FGL1: variants seen among roughly 807,000 people sequenced by gnomAD.
The protein encoded by FGL1 is fibrinogen-like protein 1.
FGL1 carries 59 observed loss-of-function variants against 43.7 expected under a neutral mutation model. The observed-to-expected ratio is 1.35, with a 90% CI of 1.10 to 1.68. FGL1 has a LOEUF of 1.68. Ranked by LOEUF, FGL1 falls within the 40% of genes most tolerant of loss-of-function variation. FGL1 has a pLI of 0.00. For missense variants in FGL1, 596 were observed against 373.0 expected, an observed-to-expected ratio of 1.60 and a Z score of -4.92; for synonymous variants, 192 against 126.5, an observed-to-expected ratio of 1.52 and a Z score of -3.48.
At chr8:17,889,935 C>T (rs1388510456) in intron 1 of FGL1, among the ~76,000 whole-genome samples, 1 of 152,184 alleles carries the variant, frequency 6.6e-6, no homozygotes, top group East Asian at 1.9e-4. Context: ...ATACTGTTTG[C>T]AGCTTACTTG....
chr8:17,894,060 A>T (rs1044507975), intron 1 of FGL1, among the ~76,000 whole-genome samples: 2 of 146,742 alleles, frequency 1.4e-5, no homozygotes, highest in East Asian at 3.9e-4. Context: ...TTTAAAAAAA[A>T]TTTAATTAAT....
intron 3 of FGL1, among the ~76,000 whole-genome samples, chr8:17,878,876 G>T (rs1585138551): frequency 1.3e-5 from 2 of 151,098 alleles, no homozygotes; most frequent in East Asian, 3.9e-4. Flanking sequence ...AGGTGAACAA[G>T]TTCTTATATA....
At position 17,874,505 on chromosome 8, in the gene FGL1, G is replaced by GA. The variant is rs1343682646; in HGVS notation, c.260dup (p.Asn88GlnfsTer2). The GA allele has an allele frequency of 3.1e-6, 5 of 1,606,176 alleles. No homozygotes were observed. Among genetic ancestry groups the GA allele is most frequent in the Non-Finnish European group, 4.2e-6 (5 of 1,176,586 alleles). ...ATCCACTGAGCTTATACCCATCATT[G>GA]AAAATCTCTGAACAATCTGTTTTTA... On this transcript the variant is annotated frameshift_variant, in exon 4 of 8. Coordinates refer to ENST00000427924, the MANE Select transcript of FGL1 (RefSeq NM_004467.4). LOFTEE classifies it high-confidence loss of function.
chr8:17,886,563 GC>G (rs2053631097), intron 1 of FGL1, among the ~76,000 whole-genome samples: 1 of 152,096 alleles, frequency 6.6e-6, no homozygotes, highest in South Asian at 2.1e-4. Flanking sequence ...CTCGAGACCA[GC>G]CTGGTCAACA....
rs2053752171 is a variant in FGL1, at chr8:17,894,804, TG to T, written c.-18+642del. 1.4e-5 allele frequency among the ~76,000 whole-genome samples: 2 copies of T among 146,674 alleles called. 1 individual carries two copies. Among genetic ancestry groups the T allele is most frequent in the African/African-American group, 5.4e-5 (2 of 37,234 alleles). On this transcript the variant is annotated intron_variant, in intron 1 of 7. Transcript: ENST00000427924. ...ATGGAAGTATGTTTTGAAAATGCTCTGGGTGATGCACCTATATATCATATAA... is the reference window on the plus strand; with the variant it reads ...ATGGAAGTATGTTTTGAAAATGCTCTGGTGATGCACCTATATATCATATAA...
In FGL1 at chr8:17,874,330, A is replaced by T. The variant is rs370532467; in HGVS notation, c.404+32T>A. 4 of 1,590,530 alleles carry T rather than the reference A, an allele frequency of 2.5e-6. No homozygotes were observed. In the African/African-American group the frequency reaches 5.4e-5, roughly 22 times the overall value. On this transcript the variant is annotated intron_variant, in intron 4 of 7. Coordinates refer to ENST00000427924, the MANE Select transcript of FGL1 (RefSeq NM_004467.4). ...ACTTATAAATCTCACATTTGCTGCT[A>T]CATATAAAGTCTTACATCATAATTA...
At chr8:17,885,670 C>G in intron 1 of FGL1, 99 bp from the exon 2 acceptor site, 1 of 892,650 alleles carries the variant, frequency 1.1e-6, no homozygotes, top group South Asian at 1.6e-5. Flanking sequence ...GATGCAGCCG[C>G]AGGCCATCCC....
intron 3 of FGL1, among the ~76,000 whole-genome samples, chr8:17,878,420 C>T (rs2053488651): frequency 6.6e-6 from 1 of 152,172 alleles, no homozygotes; most frequent in Admixed American, 6.5e-5. Context: ...ACTCCAGAGT[C>T]AACACCTTAG....
intron 3 of FGL1, among the ~76,000 whole-genome samples, chr8:17,875,551 T>TTCTTTCTTTCTCTCTCTCTCTC (rs2053440563): frequency 6.0e-5 from 1 of 16,720 alleles, no homozygotes; most frequent in African/African-American, 1.6e-4. Context: ...CTTTCTTTCT[T>TTCTTTCTTTCTCTCTCTCTCTC]TCTTTCTTTC....
intron 2 of FGL1, among the ~76,000 whole-genome samples, chr8:17,883,819 C>T (rs2053587339): frequency 7.1e-6 from 1 of 141,686 alleles, no homozygotes; most frequent in South Asian, 2.2e-4. Context: ...TTCCCTTCCT[C>T]TTCCCTTACG....
At chr8:17,889,058 C>T (rs1449287134) in intron 1 of FGL1, among the ~76,000 whole-genome samples, 1 of 152,108 alleles carries the variant, frequency 6.6e-6, no homozygotes, top group Non-Finnish European at 1.5e-5. Flanking sequence ...AAGCAGCCTG[C>T]GTGGCCTGGG....
chr8:17,883,783 T>TCCTTCTCTC, intron 2 of FGL1, among the ~76,000 whole-genome samples: 1 of 144,608 alleles, frequency 6.9e-6, no homozygotes, highest in African/African-American at 2.6e-5. Flanking sequence ...CTAGGATGGT[T>TCCTTCTCTC]TCTCCCTTTT....
chr8:17,870,018 G>C (rs973658453), intron 5 of FGL1, among the ~76,000 whole-genome samples: 1 of 152,130 alleles, frequency 6.6e-6, no homozygotes, highest in African/African-American at 2.4e-5. Context: ...GCTGAGGCAG[G>C]AGAATGGCGT....
intron 5 of FGL1, among the ~76,000 whole-genome samples, chr8:17,872,544 C>A (rs576514701): frequency 1.2e-4 from 19 of 152,226 alleles, no homozygotes; most frequent in African/African-American, 4.6e-4. Flanking sequence ...CCCAAGGGGT[C>A]CACCCACCTC....
chr8:17,886,029 C>A (rs542827905), intron 1 of FGL1, among the ~76,000 whole-genome samples: 1 of 152,164 alleles, frequency 6.6e-6, no homozygotes, highest in South Asian at 2.1e-4. Context: ...GCTGGGATTA[C>A]AGGCGTGAGC....
chr8:17,891,805 A>G, intron 1 of FGL1: 1 of 984,230 alleles, frequency 1.0e-6, no homozygotes. Flanking sequence ...CTCCATCTTC[A>G]CCCTTCCAGC....
chr8:17,872,302 T>TTTATTA lies in FGL1; in HGVS notation c.502+1711_502+1716dup, dbSNP rs10528958. Among the ~76,000 whole-genome samples the TTTATTA allele has an allele frequency of 4.6e-3, 678 of 146,842 alleles. 3 individuals carry two copies. Among genetic ancestry groups the TTTATTA allele is most frequent in the Non-Finnish European group, 7.8e-3 (521 of 67,032 alleles). On this transcript the variant is annotated intron_variant, in intron 5 of 7. Transcript: ENST00000427924. ...GGAACTTTTGTTTTATCTTAATTAC[T>TTTATTA]TTATTATTATTATTATTTGAGACAG...
chr8:17,864,722 T>TC lies in FGL1; in HGVS notation c.808_809insG (p.Tyr270Ter). The change falls in exon 8 of 8, where the codon TAC becomes TGAC. Residue 270 changes from tyrosine to a stop codon, truncating the protein, a stop_gained and frameshift_variant. Transcript: ENST00000427924. LOFTEE classifies it high-confidence loss of function. ...TTTAGCCGTGTAGGGGCCGCTGTAG[T>TC]ATACACCATTCAGGTTTGCAGAGTG... ...RCHSANLNGV[Y>*]YSGPYTAKTD... 1 of 1,590,532 alleles carries TC rather than the reference T, an allele frequency of 6.3e-7. No individual in the cohort carries two copies. Among genetic ancestry groups the TC allele is most frequent in the Non-Finnish European group, 8.5e-7 (1 of 1,171,412 alleles).
At chr8:17,878,677 T>C (rs1199168137) in intron 3 of FGL1, among the ~76,000 whole-genome samples, 1 of 152,194 alleles carries the variant, frequency 6.6e-6, no homozygotes, top group African/African-American at 2.4e-5. Context: ...AGTGCATTGT[T>C]TGCACAAATT....
Sources: gnomAD v4.1 joint callset for allele counts (sites outside exome capture counted in the v4.1 genomes callset) on GRCh38, gnomAD v4.1.1 for gene constraint, MANE v1.5 for transcripts, NCBI Gene and HGNC (gene_info 2026-07-23, HGNC 2026-07-21) for gene names.